PAK3: variants seen among roughly 807,000 people sequenced by gnomAD.
PAK3 encodes p21 (RAC1) activated kinase 3, also known as serine/threonine-protein kinase PAK 3.
In PAK3, 4 loss-of-function variants were observed where a neutral mutation model predicts 41.0. The ratio of observed to expected loss-of-function variants is 0.10; its 90% CI spans 0.05 to 0.22. The LOEUF (loss-of-function observed/expected upper bound fraction) is 0.22, where lower values mean the gene tolerates loss of function less well. Among genes scored for constraint, PAK3 ranks in the 10% least tolerant of loss-of-function variants. The pLI, the probability that PAK3 is intolerant of heterozygous loss-of-function variation, is 1.00. For missense variants in PAK3, 205 were observed against 409.9 expected, an observed-to-expected ratio of 0.50 and a Z score of 4.32; for synonymous variants, 146 against 139.6, an observed-to-expected ratio of 1.05 and a Z score of -0.32.
At chrX:110,980,092 C>A (rs1236942818) in intron 1 of PAK3, among the ~76,000 whole-genome samples, 1 of 112,176 alleles carries the variant, frequency 8.9e-6, no homozygotes, top group Non-Finnish European at 1.9e-5. Flanking sequence ...CATCAACTAG[C>A]AATCTCGCAT....
intron 16 of PAK3, among the ~76,000 whole-genome samples, chrX:111,197,195 C>T (rs890512082): frequency 9.0e-6 from 1 of 111,729 alleles, no homozygotes; most frequent in African/African-American, 3.3e-5. Context: ...TCTGTTTCTA[C>T]ATTAATTTGC....
intron 16 of PAK3, 146 bp from the exon 17 acceptor site, chrX:111,216,275 A>C: frequency 2.0e-6 from 1 of 490,994 alleles, no homozygotes; most frequent in Non-Finnish European, 3.6e-6. Flanking sequence ...AATGTTATAG[A>C]AACTTTGAAA....
chrX:111,063,522 C>A (rs775421180), intron 1 of PAK3, among the ~76,000 whole-genome samples: 44 of 111,523 alleles, frequency 3.9e-4, no homozygotes, highest in African/African-American at 1.4e-3. Context: ...CAAAGATTCC[C>A]CACAGATACC....
At chrX:111,167,271 A>T (rs2149215009) in intron 10 of PAK3, among the ~76,000 whole-genome samples, 1 of 111,073 alleles carries the variant, frequency 9.0e-6, no homozygotes. Context: ...TTGGGGAAAA[A>T]GTAGAGCAGC....
At chrX:111,048,074 A>G (rs2092517903) in intron 1 of PAK3, among the ~76,000 whole-genome samples, 1 of 111,441 alleles carries the variant, frequency 9.0e-6, no homozygotes, top group South Asian at 3.8e-4. Flanking sequence ...CCCCAGGTAT[A>G]TCATTGTCAA....
intron 1 of PAK3, among the ~76,000 whole-genome samples, chrX:110,955,703 C>T (rs1357397130): frequency 8.9e-6 from 1 of 112,178 alleles, no homozygotes; most frequent in Admixed American, 9.4e-5. Flanking sequence ...CAATTGCTTA[C>T]TCCATGTCTA....
chrX:111,094,917 G>A (rs1361800306), upstream of PAK3, among the ~76,000 whole-genome samples: 1 of 110,655 alleles, frequency 9.0e-6, no homozygotes, highest in Non-Finnish European at 1.9e-5. Context: ...TTGAACTCCT[G>A]ACCTCAGGTG....
At chrX:111,181,734 ATT>A (rs755826208) in intron 11 of PAK3, among the ~76,000 whole-genome samples, 2,277 of 95,890 alleles carry the variant, frequency 0.024, 64 homozygotes, top group African/African-American at 0.081. Flanking sequence ...AAAACCTCTG[ATT>A]TTTTTTTTTT....
At position 111,203,457 on chromosome X, in the gene PAK3, A is replaced by G. The variant is rs765059720; in HGVS notation, c.1407+6817A>G. ...GCTGCTGACCGAGTAGCTAGCATATATTGGTGCATAATAAACCCATCAGTC... is the reference window on the plus strand; with the variant it reads ...GCTGCTGACCGAGTAGCTAGCATATGTTGGTGCATAATAAACCCATCAGTC... On this transcript the variant is annotated intron_variant, in intron 16 of 17. Transcript: ENST00000372007. 7.2e-5 allele frequency among the ~76,000 whole-genome samples: 8 copies of G among 111,483 alleles called. No individual in the cohort carries two copies. In the South Asian group the frequency reaches 2.3e-3, roughly 32 times the overall value.
chrX:111,005,245 G>A (rs903705529), intron 1 of PAK3, among the ~76,000 whole-genome samples: 11 of 111,209 alleles, frequency 9.9e-5, no homozygotes, highest in South Asian at 7.8e-4. Context: ...GAGGGGGTGC[G>A]GAGGGTGGCG....
intron 1 of PAK3, among the ~76,000 whole-genome samples, chrX:110,979,760 T>C (rs1052208735): frequency 6.2e-5 from 7 of 112,494 alleles, no homozygotes; most frequent in African/African-American, 1.9e-4. Flanking sequence ...TTGAGTGCTA[T>C]AAATTTCCCT....
intron 16 of PAK3, among the ~76,000 whole-genome samples, chrX:111,214,940 G>A (rs1448507068): frequency 2.7e-5 from 3 of 111,590 alleles, no homozygotes; most frequent in Non-Finnish European, 3.8e-5. Flanking sequence ...TACCCTGGCA[G>A]TACCTGCAGG....
intron 16 of PAK3, among the ~76,000 whole-genome samples, chrX:111,206,859 C>T (rs995357594): frequency 1.8e-5 from 2 of 111,480 alleles, no homozygotes; most frequent in Non-Finnish European, 3.8e-5. Context: ...TCCATAAACA[C>T]ATCAGAGGCA....
chrX:111,118,377 G>T lies in PAK3; in HGVS notation c.-27-4700G>T, dbSNP rs144188386. Among the ~76,000 whole-genome samples, 985 of 110,549 alleles carry T rather than the reference G, an allele frequency of 8.9e-3. 12 individuals carry two copies. Among genetic ancestry groups the T allele is most frequent in the African/African-American group, 0.03 (911 of 30,231 alleles). Reference sequence around the variant, plus strand: ...GCCATCTCGAAAATGTATGCCTTTGGTTAAAAGAGAGCCCAAGAAAGAGCC... The same window carrying T: ...GCCATCTCGAAAATGTATGCCTTTGTTTAAAAGAGAGCCCAAGAAAGAGCC... On this transcript the variant is annotated intron_variant, in intron 4 of 17. Transcript: ENST00000372007.
chrX:110,959,200 G>C (rs1403966024), intron 1 of PAK3, among the ~76,000 whole-genome samples: 2 of 111,653 alleles, frequency 1.8e-5, no homozygotes, highest in Non-Finnish European at 1.9e-5. Context: ...CTAAAAGCCT[G>C]AGTTGTTTAG....
At chrX:110,997,065 A>G (rs1418226454) in intron 1 of PAK3, among the ~76,000 whole-genome samples, 1 of 111,861 alleles carries the variant, frequency 8.9e-6, no homozygotes. Flanking sequence ...TTTTAAGGCA[A>G]AGAAGAGTCT....
At chrX:110,951,938 C>G (rs1222211364) in intron 1 of PAK3, among the ~76,000 whole-genome samples, 1 of 112,204 alleles carries the variant, frequency 8.9e-6, no homozygotes, top group Non-Finnish European at 1.9e-5. Context: ...TCTCTGAGGT[C>G]AGCTAGATTG....
At chrX:111,196,091 C>A in intron 15 of PAK3, 150 bp downstream of exon 15, 1 of 490,966 alleles carries the variant, frequency 2.0e-6, no homozygotes. Flanking sequence ...ACACTGTGTT[C>A]CTGAATATTG....
chrX:110,982,693 G>A (rs776117016), intron 1 of PAK3, among the ~76,000 whole-genome samples: 13 of 111,589 alleles, frequency 1.2e-4, no homozygotes, highest in Non-Finnish European at 1.9e-4. Context: ...TCCACAACCT[G>A]TTACTGAAAA....
Sources: gnomAD v4.1 joint callset for allele counts (sites outside exome capture counted in the v4.1 genomes callset) on GRCh38, gnomAD v4.1.1 for gene constraint, MANE v1.5 for transcripts, NCBI Gene and HGNC (gene_info 2026-07-23, HGNC 2026-07-21) for gene names.